Variants in SLC26A7 observed in about 807,000 individuals in gnomAD.
SLC26A7 encodes the protein anion exchange transporter.
A neutral mutation model predicts 82.5 loss-of-function variants in SLC26A7; 59 were observed. The observed-to-expected ratio is 0.72, with a 90% CI of 0.58 to 0.89. The LOEUF (loss-of-function observed/expected upper bound fraction) is 0.89. Among genes scored for constraint, SLC26A7 ranks in the 40% least tolerant of loss-of-function variants. SLC26A7 has a pLI of 0.00. For missense variants in SLC26A7, 820 were observed against 793.0 expected, an observed-to-expected ratio of 1.03 and a Z score of -0.41; for synonymous variants, 271 against 274.3, an observed-to-expected ratio of 0.99 and a Z score of 0.12.
chr8:91,296,287 A>AT (rs1812014292), intron 4 of SLC26A7, among the ~76,000 whole-genome samples: 2 of 152,224 alleles, frequency 1.3e-5, no homozygotes, highest in Admixed American at 1.3e-4. Context: ...GTTTCTAATC[A>AT]GTCGTCAAAA....
intron 2 of SLC26A7, among the ~76,000 whole-genome samples, chr8:91,287,946 T>C (rs1438788883): frequency 6.6e-6 from 1 of 152,186 alleles, no homozygotes; most frequent in Admixed American, 6.5e-5. Context: ...TATCGTATTT[T>C]CACCAGACTG....
intron 4 of SLC26A7, among the ~76,000 whole-genome samples, chr8:91,302,818 C>CTT (rs11333572): frequency 2.3e-5 from 3 of 129,620 alleles, no homozygotes; most frequent in African/African-American, 5.8e-5. Context: ...TTCCCCTTCT[C>CTT]TTTTTTTTTT....
chr8:91,325,563 G>T (rs574298459), intron 5 of SLC26A7, among the ~76,000 whole-genome samples: 1 of 152,216 alleles, frequency 6.6e-6, no homozygotes, highest in South Asian at 2.1e-4. Flanking sequence ...GTACTAATGT[G>T]ACTCTGCTGC....
At chr8:91,295,457 CA>C in intron 3 of SLC26A7, 73 bp from the exon 4 acceptor site, 1 of 1,528,672 alleles carries the variant, frequency 6.5e-7, no homozygotes, top group Admixed American at 1.9e-5. Flanking sequence ...GTAGCTTCGA[CA>C]GAATCCCACA....
At chr8:91,286,259 A>C (rs1180224930) in intron 2 of SLC26A7, among the ~76,000 whole-genome samples, 1 of 152,230 alleles carries the variant, frequency 6.6e-6, no homozygotes, top group Non-Finnish European at 1.5e-5. Context: ...GGGCTTCTCG[A>C]AAGGTTGGTA....
chr8:91,344,273 A>G (rs1813500281), intron 9 of SLC26A7: 2 of 891,464 alleles, frequency 2.2e-6, no homozygotes. Context: ...TAACTTACCC[A>G]GGTCATAGAG....
chr8:91,248,703 C>T (rs1810583270), upstream of SLC26A7, among the ~76,000 whole-genome samples: 1 of 152,078 alleles, frequency 6.6e-6, no homozygotes, highest in Non-Finnish European at 1.5e-5. Context: ...ATAAAAAAAG[C>T]TAAGGATACT....
At chr8:91,344,717 C>T (rs752291445) in intron 9 of SLC26A7, among the ~76,000 whole-genome samples, 11 of 152,148 alleles carry the variant, frequency 7.2e-5, no homozygotes, top group South Asian at 2.1e-4. Flanking sequence ...AATCCTCCTC[C>T]GACCTTGGTT....
chr8:91,282,361 C>A (rs936681640), intron 2 of SLC26A7, among the ~76,000 whole-genome samples: 4 of 152,150 alleles, frequency 2.6e-5, no homozygotes, highest in Admixed American at 6.5e-5. Flanking sequence ...CAGGATGGAA[C>A]AACCCCTCCC....
intron 4 of SLC26A7, among the ~76,000 whole-genome samples, chr8:91,296,601 C>T (rs561466234): frequency 6.6e-6 from 1 of 152,284 alleles, no homozygotes; most frequent in African/African-American, 2.4e-5. Flanking sequence ...CTTAGAGTTA[C>T]ATTGCCTTCT....
chr8:91,216,713 A>G (rs1302756429), intron 1 of SLC26A7, among the ~76,000 whole-genome samples: 1 of 152,168 alleles, frequency 6.6e-6, no homozygotes, highest in African/African-American at 2.4e-5. Flanking sequence ...CTTAATCATT[A>G]TAATCTAGTT....
intron 15 of SLC26A7, among the ~76,000 whole-genome samples, chr8:91,388,942 A>G (rs1311607849): frequency 6.6e-6 from 1 of 152,114 alleles, no homozygotes; most frequent in African/African-American, 2.4e-5. Context: ...ATACCTACTA[A>G]GGAAACATTG....
chr8:91,383,544 G>A (rs6983905), intron 15 of SLC26A7, among the ~76,000 whole-genome samples: 8,971 of 152,194 alleles, frequency 0.059, 384 homozygotes, highest in African/African-American at 0.13. Context: ...GTAGTTGAGC[G>A]CATGATAGAA....
intron 11 of SLC26A7, among the ~76,000 whole-genome samples, chr8:91,359,437 A>C (rs530923307): frequency 6.6e-6 from 1 of 152,298 alleles, no homozygotes; most frequent in African/African-American, 2.4e-5. Flanking sequence ...GGACATGTTA[A>C]GTTTCAAGGT....
intron 8 of SLC26A7, among the ~76,000 whole-genome samples, chr8:91,341,584 T>C (rs1586431379): frequency 6.6e-6 from 1 of 152,202 alleles, no homozygotes; most frequent in Non-Finnish European, 1.5e-5. Context: ...TCCACAGATA[T>C]ATGTTGAACC....
At chr8:91,228,673 A>G (rs1037584495) in intron 2 of SLC26A7, among the ~76,000 whole-genome samples, 1 of 152,186 alleles carries the variant, frequency 6.6e-6, no homozygotes, top group African/African-American at 2.4e-5. Flanking sequence ...AAGCTGGATC[A>G]CGGCCATCAC....
chr8:91,285,084 A>G (rs1811673755), intron 2 of SLC26A7, among the ~76,000 whole-genome samples: 1 of 152,254 alleles, frequency 6.6e-6, no homozygotes, highest in Admixed American at 6.5e-5. Flanking sequence ...TCTGAAGGCC[A>G]TGATGGGAGA....
At chr8:91,388,532 A>G (rs189188158) in intron 15 of SLC26A7, among the ~76,000 whole-genome samples, 20 of 152,358 alleles carry the variant, frequency 1.3e-4, no homozygotes, top group Middle Eastern at 3.4e-3. Context: ...AGAGAATTTC[A>G]TAATAATTAA....
intron 4 of SLC26A7, among the ~76,000 whole-genome samples, chr8:91,304,129 T>G (rs1586385608): frequency 6.6e-6 from 1 of 152,262 alleles, no homozygotes; most frequent in Non-Finnish European, 1.5e-5. Flanking sequence ...TGTATTCATA[T>G]ATTCAATCCT....
Sources: allele counts gnomAD v4.1 joint callset (sites outside exome capture counted in the v4.1 genomes callset), GRCh38; gene constraint gnomAD v4.1.1; transcripts MANE v1.5; gene names NCBI Gene and HGNC (gene_info 2026-07-23, HGNC 2026-07-21).